TLK2: variants seen among roughly 807,000 people sequenced by gnomAD.
TLK2 encodes tousled like kinase 2, also known as serine/threonine-protein kinase tousled-like 2.
In TLK2, 6 loss-of-function variants were observed where a neutral mutation model predicts 117.3. The observed-to-expected ratio is 0.05, with a 90% confidence interval of 0.03 to 0.10. The LOEUF (loss-of-function observed/expected upper bound fraction) is 0.10, where lower values mean the gene tolerates loss of function less well. TLK2 is among the 10% of genes least tolerant of loss of function. The pLI is 1.00. For missense variants in TLK2, 299 were observed against 901.2 expected (o/e 0.33, Z 8.56); for synonymous variants, 257 against 316.7 (o/e 0.81, Z 2.00).
chr17:62,510,917 T>C (rs1407810750), intron 2 of TLK2, among the ~76,000 whole-genome samples: 3 of 152,210 alleles, frequency 2.0e-5, no homozygotes, highest in African/African-American at 7.2e-5. Context: ...TCATTATTAT[T>C]ACTTTACAAT....
intron 11 of TLK2, 103 bp from the exon 12 acceptor site, chr17:62,573,111 AT>A (rs1488862738): frequency 1.5e-6 from 2 of 1,335,348 alleles, no homozygotes; most frequent in Non-Finnish European, 2.0e-6. Flanking sequence ...AAAGGGGCTT[AT>A]TTTTTCTGAA....
intron 6 of TLK2, among the ~76,000 whole-genome samples, chr17:62,527,891 C>T (rs1240325756): frequency 3.3e-5 from 5 of 151,894 alleles, no homozygotes; most frequent in African/African-American, 4.8e-5. Context: ...TACAGACACG[C>T]GCCACCACGC....
chr17:62,576,173 A>G (rs1017146795), intron 12 of TLK2, among the ~76,000 whole-genome samples: 2 of 152,218 alleles, frequency 1.3e-5, no homozygotes, highest in Non-Finnish European at 2.9e-5. Context: ...ATTTCAGGAA[A>G]CTGAGTTAAA....
At chr17:62,491,899 T>C (rs958154324) in intron 2 of TLK2, among the ~76,000 whole-genome samples, 4 of 152,220 alleles carry the variant, frequency 2.6e-5, no homozygotes, top group African/African-American at 9.6e-5. Flanking sequence ...ATCTTACTCT[T>C]AACATATCCT....
chr17:62,517,458 G>A (rs1053621732), intron 2 of TLK2, among the ~76,000 whole-genome samples: 9 of 151,092 alleles, frequency 6.0e-5, no homozygotes, highest in African/African-American at 2.2e-4. Flanking sequence ...GCAGTGGCGC[G>A]ATCTCAGCTC....
At chr17:62,610,799 G>C (rs2083695512) in intron 21 of TLK2, among the ~76,000 whole-genome samples, 1 of 152,126 alleles carries the variant, frequency 6.6e-6, no homozygotes. Context: ...TATGTGAGTT[G>C]ATTGCTGTTT....
intron 20 of TLK2, among the ~76,000 whole-genome samples, chr17:62,606,456 G>A (rs2083307310): frequency 6.6e-6 from 1 of 152,132 alleles, no homozygotes; most frequent in African/African-American, 2.4e-5. Flanking sequence ...GAGTTCTGCG[G>A]GGCTGTTAAA....
chr17:62,507,073 G>A (rs2074754734), intron 2 of TLK2, among the ~76,000 whole-genome samples: 1 of 152,208 alleles, frequency 6.6e-6, no homozygotes, highest in South Asian at 2.1e-4. Context: ...TAATCATCCT[G>A]TAAACACATT....
At chr17:62,474,378 C>G (rs2070997971), upstream of TLK2, among the ~76,000 whole-genome samples, 1 of 145,148 alleles carries the variant, frequency 6.9e-6, no homozygotes, top group Admixed American at 6.9e-5. Context: ...GCGCCCGGCC[C>G]TGTATTTTTT....
At chr17:62,601,201 T>C (rs1278127996) in intron 18 of TLK2, among the ~76,000 whole-genome samples, 1 of 152,238 alleles carries the variant, frequency 6.6e-6, no homozygotes, top group Admixed American at 6.5e-5. Flanking sequence ...TTTTTACTTA[T>C]ATGCCTCCCA....
chr17:62,596,519 G>C, intron 16 of TLK2, 66 bp from the exon 17 acceptor site: 1 of 1,146,148 alleles, frequency 8.7e-7, no homozygotes, highest in Non-Finnish European at 1.3e-6. Flanking sequence ...TATTTAGGAG[G>C]ATCTTTGAAG....
intron 6 of TLK2, 40 bp from the exon 7 acceptor site, chr17:62,536,130 C>T: frequency 6.3e-7 from 1 of 1,590,614 alleles, no homozygotes; most frequent in Non-Finnish European, 8.6e-7. Context: ...ATCAGATTAT[C>T]TTTCTCATGT....
chr17:62,549,230 TA>T (rs1248763800), intron 7 of TLK2, among the ~76,000 whole-genome samples: 31 of 139,934 alleles, frequency 2.2e-4, no homozygotes, highest in South Asian at 2.3e-4. Context: ...CCGTCTGTAC[TA>T]AAAAAAAAAT....
At chr17:62,508,035 T>C (rs1442093190) in intron 2 of TLK2, among the ~76,000 whole-genome samples, 11 of 152,144 alleles carry the variant, frequency 7.2e-5, no homozygotes, top group Non-Finnish European at 1.5e-5. Flanking sequence ...AGTTTAAATG[T>C]TGTCATAGAC....
At chr17:62,577,262 G>C (rs2080877046) in intron 13 of TLK2, among the ~76,000 whole-genome samples, 1 of 152,060 alleles carries the variant, frequency 6.6e-6, no homozygotes, top group Admixed American at 6.6e-5. Context: ...ACCATGCCTG[G>C]CCTATCTTTG....
intron 2 of TLK2, among the ~76,000 whole-genome samples, chr17:62,499,159 G>A (rs540121901): frequency 4.0e-5 from 6 of 151,894 alleles, no homozygotes; most frequent in South Asian, 2.1e-4. Context: ...TGGCGACCAC[G>A]GCAAAACCCT....
chr17:62,485,495 A>G (rs2072234800), intron 2 of TLK2, among the ~76,000 whole-genome samples: 1 of 151,808 alleles, frequency 6.6e-6, no homozygotes, highest in South Asian at 2.1e-4. Context: ...TTTATTTCTA[A>G]TTTTCTTGCA....
chr17:62,533,402 G>C (rs1369793132), intron 6 of TLK2, among the ~76,000 whole-genome samples: 1 of 132,116 alleles, frequency 7.6e-6, no homozygotes, highest in Admixed American at 8.0e-5. Flanking sequence ...CTGTGTGTGT[G>C]TGTGTAATTT....
At chr17:62,491,613 G>A (rs1392290960) in intron 2 of TLK2, among the ~76,000 whole-genome samples, 2 of 152,144 alleles carry the variant, frequency 1.3e-5, no homozygotes, top group Non-Finnish European at 2.9e-5. Flanking sequence ...TTTTGAGACA[G>A]TCTTGCTCTG....
Sources: allele counts gnomAD v4.1 joint callset (sites outside exome capture counted in the v4.1 genomes callset), GRCh38; gene constraint gnomAD v4.1.1; transcripts MANE v1.5; gene names NCBI Gene and HGNC (gene_info 2026-07-23, HGNC 2026-07-21).